The following NRDC variants were observed in gnomAD, a reference collection of about 807,000 sequenced individuals.
NRDC encodes nardilysin convertase.
NRDC carries 54 observed loss-of-function variants against 147.1 expected under a neutral mutation model. That is an observed-to-expected ratio of 0.37 (90% CI 0.29 to 0.46). The LOEUF (loss-of-function observed/expected upper bound fraction) is 0.46. NRDC is among the 20% of genes least tolerant of loss of function. The pLI is 1.00. For missense variants in NRDC, 1,082 were observed against 1,370.6 expected, an observed-to-expected ratio of 0.79 and a Z score of 3.33; for synonymous variants, 440 against 482.1, an observed-to-expected ratio of 0.91 and a Z score of 1.14.
intron 11 of NRDC, chr1:51,815,786 A>G (rs181912987): frequency 1.3e-5 from 2 of 152,224 alleles, no homozygotes; most frequent in African/African-American, 4.8e-5. Flanking sequence ...TCTTGATTCT[A>G]AAATTGTATT....
chr1:51,824,536 C>G (rs1680359507), intron 6 of NRDC, among the ~76,000 whole-genome samples: 1 of 152,168 alleles, frequency 6.6e-6, no homozygotes, highest in South Asian at 2.1e-4. Flanking sequence ...TTCAGATCAT[C>G]TCATCCTAAA....
chr1:51,803,735 C>A, intron 20 of NRDC, 79 bp downstream of exon 20: 2 of 1,138,802 alleles, frequency 1.8e-6, no homozygotes, highest in South Asian at 1.5e-5. Context: ...TTTCTCTATA[C>A]AGCATCCCAT....
intron 17 of NRDC, among the ~76,000 whole-genome samples, chr1:51,807,905 A>C (rs573425191): frequency 8.6e-5 from 13 of 151,028 alleles, no homozygotes; most frequent in African/African-American, 3.2e-4. Flanking sequence ...TCCTGGGTTC[A>C]AGTGATTCTC....
rs1027887044 is a variant in NRDC, at chr1:51,827,712, C to T, written c.940+84G>A. 4 of 1,025,712 alleles carry T rather than the reference C, an allele frequency of 3.9e-6. No homozygotes were observed. The African/African-American group carries it at 6.4e-5, about 16-fold the overall frequency. 63.5% of individuals were successfully genotyped at this position (1,025,712 alleles called of 1,614,324 possible). A position where few individuals can be genotyped will look rare whatever the true frequency, so the allele number is the denominator to read the frequency against. On this transcript the variant is annotated intron_variant, in intron 5 of 30. Coordinates refer to ENST00000352171, the MANE Select transcript of NRDC (RefSeq NM_001101662.2). ...CTTTAAAATATAAAGATAAAATGGT[C>T]TAGAGATAAAGAAGGATAAATGTAA... is the stretch of plus-strand genomic sequence containing the variant.
intron 14 of NRDC, among the ~76,000 whole-genome samples, chr1:51,813,482 G>A (rs1321651995): frequency 6.6e-6 from 1 of 152,084 alleles, no homozygotes; most frequent in East Asian, 1.9e-4. Context: ...TATCCCATAC[G>A]CTTCCCAAAA....
At chr1:51,859,268 T>C (rs1031922288) in intron 1 of NRDC, among the ~76,000 whole-genome samples, 22 of 152,260 alleles carry the variant, frequency 1.4e-4, no homozygotes, top group Admixed American at 1.2e-3. Context: ...TGTGTCTATA[T>C]GTGTTACTTG....
chr1:51,801,379 G>A (rs1027219302), intron 20 of NRDC: 1 of 152,046 alleles, frequency 6.6e-6, no homozygotes, highest in Non-Finnish European at 1.5e-5. Flanking sequence ...TCATAGCTAA[G>A]TATCCTCAAA....
intron 1 of NRDC, among the ~76,000 whole-genome samples, chr1:51,868,150 A>C (rs1317970117): frequency 2.0e-5 from 3 of 152,190 alleles, no homozygotes; most frequent in African/African-American, 7.2e-5. Flanking sequence ...GACTCAAAGA[A>C]ACAAATTCTC....
At chr1:51,798,449 T>C in intron 21 of NRDC, 38 bp from the exon 22 acceptor site, 1 of 1,522,484 alleles carries the variant, frequency 6.6e-7, no homozygotes, top group African/African-American at 1.4e-5. Flanking sequence ...CAAAGTTTTG[T>C]TATTAGAAAT....
At position 51,800,671 on chromosome 1, in the gene NRDC, G is replaced by A. The variant is rs1679150837; in HGVS notation, c.2326C>T (p.Leu776Phe). 6.2e-7 allele frequency: 1 copy of A among 1,612,862 alleles called. No individual in the cohort carries two copies. Among genetic ancestry groups the A allele is most frequent in the South Asian group, 1.1e-5 (1 of 90,774 alleles). Residue 776 changes from leucine to phenylalanine, a missense_variant, in exon 21 of 31, where the codon CTC becomes TTC. Transcript: ENST00000352171. ...AACTCAGCTAAGTAGTCAATAATGA[G>A]CTGAAACAGTAGCTAAAAGAAAAAG... ...FNHKLPLLFQ[L>F]IIDYLAEFNS... is the part of the protein sequence containing the mutation.
intron 24 of NRDC, among the ~76,000 whole-genome samples, chr1:51,792,924 C>T (rs1678721480): frequency 6.6e-6 from 1 of 152,226 alleles, no homozygotes; most frequent in African/African-American, 2.4e-5. Context: ...CACATGCTAG[C>T]TGCCCAAGAC....
chr1:51,797,617 C>A (rs80181310), intron 22 of NRDC, among the ~76,000 whole-genome samples: 101 of 152,300 alleles, frequency 6.6e-4, no homozygotes, highest in African/African-American at 2.4e-3. Context: ...ACATCCCTCA[C>A]CATTTCCTTC....
Position 51,873,172 on chromosome 1 carries a change from A to G in NRDC, c.341+5103T>C, listed in dbSNP as rs556928581. On this transcript the variant is annotated intron_variant, in intron 1 of 30. Coordinates refer to ENST00000352171, the MANE Select transcript of NRDC (RefSeq NM_001101662.2). The stretch of plus-strand genomic sequence containing the variant: ...CCTATGTTCTTCCCATCCAATACAA[A>G]AAAAAAAGTTCTCTTGTTTTCTGGT... Among the ~76,000 whole-genome samples, 4 of 151,678 alleles carry G rather than the reference A, an allele frequency of 2.6e-5. No homozygotes were observed. The South Asian group carries it at 8.3e-4, about 31-fold the overall frequency.
intron 20 of NRDC, chr1:51,801,334 A>G (rs751309557): frequency 6.6e-6 from 1 of 152,156 alleles, no homozygotes; most frequent in Non-Finnish European, 1.5e-5. Flanking sequence ...TTTAAGAGAC[A>G]GAGCCTCGCT....
intron 1 of NRDC, among the ~76,000 whole-genome samples, chr1:51,843,015 G>A (rs1305386041): frequency 3.2e-5 from 4 of 125,316 alleles, no homozygotes; most frequent in African/African-American, 1.2e-4. Flanking sequence ...CGTGAGCCAC[G>A]TTCATGCCAC....
intron 8 of NRDC, among the ~76,000 whole-genome samples, chr1:51,820,303 G>A (rs376925522): frequency 8.5e-5 from 13 of 152,180 alleles, no homozygotes; most frequent in East Asian, 7.7e-4. Flanking sequence ...TAAAAGACTT[G>A]GTCCCTCCTA....
chr1:51,814,671 C>A, intron 12 of NRDC, 22 bp downstream of exon 12: 1 of 1,604,702 alleles, frequency 6.2e-7, no homozygotes, highest in Non-Finnish European at 8.5e-7. Context: ...AAGGAAAAAA[C>A]AACTGAATTT....
chr1:51,875,570 T>C (rs1683282115), intron 1 of NRDC, among the ~76,000 whole-genome samples: 1 of 152,226 alleles, frequency 6.6e-6, no homozygotes, highest in African/African-American at 2.4e-5. Context: ...TTTTATTTAT[T>C]TGTTTTTTGA....
chr1:51,796,673 C>T (rs915426380), intron 22 of NRDC, among the ~76,000 whole-genome samples: 3 of 151,562 alleles, frequency 2.0e-5, no homozygotes, highest in South Asian at 2.1e-4. Flanking sequence ...GTGCAACCTC[C>T]GCCTCCCGGA....
Sources: allele counts gnomAD v4.1 joint callset (sites outside exome capture counted in the v4.1 genomes callset), GRCh38; gene constraint gnomAD v4.1.1; transcripts MANE v1.5; gene names NCBI Gene and HGNC (gene_info 2026-07-23, HGNC 2026-07-21).